Variants in PANK2 observed in about 807,000 individuals in gnomAD.
The protein encoded by PANK2 is pantothenate kinase 2.
PANK2 carries 36 observed loss-of-function variants against 43.1 expected under a neutral mutation model. The ratio of observed to expected loss-of-function variants is 0.84; its 90% CI spans 0.64 to 1.10. The LOEUF (loss-of-function observed/expected upper bound fraction) is 1.10, where lower values mean the gene tolerates loss of function less well. Among genes scored for constraint, PANK2 ranks in the 50% least tolerant of loss-of-function variants. The pLI, the probability that PANK2 is intolerant of heterozygous loss-of-function variation, is 0.00. For missense variants in PANK2, 576 were observed against 593.3 expected (o/e 0.97, Z 0.30); for synonymous variants, 281 against 238.2 (o/e 1.18, Z -1.66).
intron 1 of PANK2, among the ~76,000 whole-genome samples, chr20:3,891,919 C>T (rs73574266): frequency 0.18 from 27,887 of 152,180 alleles, 2,896 homozygotes; most frequent in African/African-American, 0.28. Flanking sequence ...TCATTATCTT[C>T]TCTGGCTGAT....
chr20:3,917,800 T>C (rs2090585992), intron 5 of PANK2, among the ~76,000 whole-genome samples: 1 of 152,244 alleles, frequency 6.6e-6, no homozygotes, highest in Non-Finnish European at 1.5e-5. Flanking sequence ...TAAACATTTG[T>C]TGGAATATCA....
chr20:3,906,347 C>A (rs571055121), intron 1 of PANK2, among the ~76,000 whole-genome samples: 10 of 152,054 alleles, frequency 6.6e-5, no homozygotes, highest in Non-Finnish European at 4.4e-5. Context: ...TTACTTGAGC[C>A]CAGGAGGCAG....
At chr20:3,918,853 C>G in intron 6 of PANK2, 57 bp downstream of exon 6, 13 of 1,613,440 alleles carry the variant, frequency 8.1e-6, no homozygotes, top group Non-Finnish European at 1.1e-5. Flanking sequence ...GTGGGTCACA[C>G]TGTCATGGAA....
At chr20:3,913,157 T>TCCATTCCC (rs1555788755) in intron 4 of PANK2, among the ~76,000 whole-genome samples, 1 of 152,060 alleles carries the variant, frequency 6.6e-6, no homozygotes, top group Non-Finnish European at 1.5e-5. Flanking sequence ...GCTACGACTC[T>TCCATTCCC]CCATTCCCCC....
rs1384235716 is a variant in PANK2 at position 3,927,811 on chromosome 20, A to C, written c.*4517A>C. The stretch of plus-strand genomic sequence containing the variant: ...TTGGGACTGGCAAAGGGAGCTGAGA[A>C]GAGAGTTCCCCCAAAGCACAAACAA... On this transcript the variant is annotated 3_prime_UTR_variant, in exon 7 of 7. Transcript: ENST00000610179. 4 of 152,270 alleles carry C rather than the reference A, an allele frequency of 2.6e-5. No individual in the cohort carries two copies. Among genetic ancestry groups the C allele is most frequent in the Non-Finnish European group, 5.9e-5 (4 of 68,064 alleles). The allele number at this position is 152,270 out of a possible 1,614,324, so 9.4% of individuals were successfully genotyped here. A position where few individuals can be genotyped will look rare whatever the true frequency, so the allele number is the denominator to read the frequency against.
At chr20:3,892,979 C>G (rs1352091759) in intron 1 of PANK2, among the ~76,000 whole-genome samples, 1 of 151,940 alleles carries the variant, frequency 6.6e-6, no homozygotes, top group African/African-American at 2.4e-5. Flanking sequence ...GAAAGAAATA[C>G]CAAATAAAGA....
intron 5 of PANK2, among the ~76,000 whole-genome samples, chr20:3,917,798 T>A (rs761394298): frequency 2.7e-4 from 41 of 152,236 alleles, no homozygotes; most frequent in Non-Finnish European, 5.1e-4. Flanking sequence ...ATTAAACATT[T>A]GTTGGAATAT....
intron 4 of PANK2, among the ~76,000 whole-genome samples, chr20:3,914,618 G>T (rs1391631862): frequency 6.7e-6 from 1 of 149,826 alleles, no homozygotes; most frequent in African/African-American, 2.5e-5. Flanking sequence ...TTTTGTGTGT[G>T]TGGCAGGGTC....
intron 1 of PANK2, among the ~76,000 whole-genome samples, chr20:3,895,123 A>T (rs940089607): frequency 6.6e-6 from 1 of 151,982 alleles, no homozygotes; most frequent in African/African-American, 2.4e-5. Flanking sequence ...TCCAAAAATA[A>T]AAAGGGCATG....
In PANK2 at chr20:3,913,790, A is replaced by AT. The variant is rs57042549; in HGVS notation, c.1082+1172dup. The stretch of plus-strand genomic sequence containing the variant: ...CACACACACACATATATATATATAT[A>AT]TTTTTTTTTTTTTTTTGAGACGGAG... On this transcript the variant is annotated intron_variant, in intron 4 of 6. Coordinates refer to ENST00000610179, the MANE Select transcript of PANK2 (RefSeq NM_001386393.1). Among the ~76,000 whole-genome samples the AT allele has an allele frequency of 2.0e-3, 274 of 138,478 alleles. 2 individuals carry two copies. Among genetic ancestry groups the AT allele is most frequent in the Middle Eastern group, 7.8e-3 (2 of 256 alleles). The allele number at this position is 138,478 out of a possible 152,430, so 90.8% of individuals were successfully genotyped here.
chr20:3,901,022 G>A (rs1184125484), intron 1 of PANK2, among the ~76,000 whole-genome samples: 1 of 151,776 alleles, frequency 6.6e-6, no homozygotes, highest in Non-Finnish European at 1.5e-5. Flanking sequence ...CACCTGCCTT[G>A]GCCTCCCAGA....
At chr20:3,910,019 T>A (rs531777594) in intron 2 of PANK2, among the ~76,000 whole-genome samples, 1 of 152,294 alleles carries the variant, frequency 6.6e-6, no homozygotes, top group African/African-American at 2.4e-5. Flanking sequence ...AAAATTCCCC[T>A]CCCTCCCAAG....
In PANK2 at chr20:3,917,016, T is replaced by C. The variant is rs775459398; in HGVS notation, c.1172T>C (p.Ile391Thr). 3 of 1,613,892 alleles carry C rather than the reference T, an allele frequency of 1.9e-6. No individual in the cohort carries two copies. Among genetic ancestry groups the C allele is most frequent in the Non-Finnish European group, 2.5e-6 (3 of 1,179,992 alleles). The change falls in exon 5 of 7, where the codon ATT becomes ACT. Residue 391 changes from isoleucine (I) to threonine (T), a missense_variant. Around this residue, in one of 2 missense-constraint regions of PANK2, gnomAD observed 544 missense variants for 528.9 expected, o/e 1.03. Transcript: ENST00000610179. Reference sequence around the variant, plus strand: ...ACTTTGATCACCATCACCAACAACATTGGCTCAATAGCAAGAATGTGTGCC... The same window carrying C: ...ACTTTGATCACCATCACCAACAACACTGGCTCAATAGCAAGAATGTGTGCC...
Position 3,889,872 on chromosome 20 carries a change from C to T in PANK2, c.298+144C>T, listed in dbSNP as rs935556750. The T allele has an allele frequency of 2.6e-6, 4 of 1,532,526 alleles. No homozygotes were observed. The African/African-American group carries it at 4.1e-5, about 16-fold the overall frequency. The allele number at this position is 1,532,526 out of a possible 1,614,324, so 94.9% of individuals were successfully genotyped here. A position where few individuals can be genotyped will look rare whatever the true frequency, so the allele number is the denominator to read the frequency against. On this transcript the variant is annotated intron_variant, in intron 1 of 6. Coordinates refer to ENST00000610179, the MANE Select transcript of PANK2 (RefSeq NM_001386393.1). ...CCCTCGTTGGTGCGTGGCCTGACAT[C>T]CGGCTGGAGGCCTCGGGTGCTCCGA...
chr20:3,901,954 T>C (rs1002276933), intron 1 of PANK2, among the ~76,000 whole-genome samples: 3 of 152,016 alleles, frequency 2.0e-5, no homozygotes, highest in African/African-American at 7.2e-5. Flanking sequence ...ATGTGATTTA[T>C]GTATCTTTAT....
At chr20:3,893,934 T>TG (rs2090163955) in intron 1 of PANK2, among the ~76,000 whole-genome samples, 2 of 139,472 alleles carry the variant, frequency 1.4e-5, no homozygotes, top group African/African-American at 5.6e-5. Context: ...GTTTTTTGTT[T>TG]TTTTTTTTTT....
chr20:3,897,943 G>C (rs572363511), intron 1 of PANK2, among the ~76,000 whole-genome samples: 2 of 152,188 alleles, frequency 1.3e-5, no homozygotes, highest in East Asian at 3.9e-4. Flanking sequence ...GGAGGCGGAG[G>C]TTGCAGTGAG....
chr20:3,915,532 G>A (rs1292420097), intron 4 of PANK2, among the ~76,000 whole-genome samples: 1 of 151,710 alleles, frequency 6.6e-6, no homozygotes, highest in Admixed American at 6.6e-5. Context: ...TCTTGACCTC[G>A]TGATCCGCCC....
intron 4 of PANK2, among the ~76,000 whole-genome samples, chr20:3,916,596 G>C (rs1391045758): frequency 6.6e-6 from 1 of 152,206 alleles, no homozygotes; most frequent in Non-Finnish European, 1.5e-5. Context: ...ATTGCTGTTA[G>C]AGGTGTTGTC....
Sources: allele counts gnomAD v4.1 joint callset (sites outside exome capture counted in the v4.1 genomes callset), GRCh38; gene constraint gnomAD v4.1.1; regional missense constraint gnomAD v4.1.1; transcripts MANE v1.5; gene names NCBI Gene and HGNC (gene_info 2026-07-23, HGNC 2026-07-21).